ENOX2: variants seen among roughly 807,000 people sequenced by gnomAD.
ENOX2 encodes APK1 antigen.
Under a neutral mutation model 45.0 loss-of-function variants are expected in ENOX2, and 36 were observed. The ratio of observed to expected loss-of-function variants is 0.80; its 90% CI spans 0.61 to 1.06. ENOX2 has a LOEUF of 1.06. Ranked by LOEUF, ENOX2 falls within the 50% of genes least tolerant of loss-of-function variation. The pLI, the probability that ENOX2 is intolerant of heterozygous loss-of-function variation, is 0.00. For synonymous variants in ENOX2, 174 were observed against 152.3 expected (o/e 1.14, Z -1.05); for missense variants, 423 against 462.5 (o/e 0.91, Z 0.78).
intron 2 of ENOX2, among the ~76,000 whole-genome samples, chrX:130,898,220 C>T (rs2079089840): frequency 9.0e-6 from 1 of 111,465 alleles, no homozygotes; most frequent in African/African-American, 3.3e-5. Context: ...GGTGGCCAGC[C>T]TGGTCTCAAA....
intron 4 of ENOX2, among the ~76,000 whole-genome samples, chrX:130,689,438 T>C (rs2037533197): frequency 8.9e-6 from 1 of 112,170 alleles, no homozygotes; most frequent in Admixed American, 9.4e-5. Context: ...ACCTGGGTTT[T>C]AGGTCTACCA....
intron 10 of ENOX2, among the ~76,000 whole-genome samples, chrX:130,654,572 G>A (rs914838421): frequency 1.8e-4 from 20 of 112,174 alleles, no homozygotes; most frequent in East Asian, 1.7e-3. Flanking sequence ...CACAATGAGC[G>A]GGATTTCTGC....
At position 130,836,643 on chromosome X, in the gene ENOX2, G is replaced by GACCC. The variant is rs556457765; in HGVS notation, c.-182-52957_-182-52954dup. Among the ~76,000 whole-genome samples the GACCC allele has an allele frequency of 9.9e-5, 11 of 111,480 alleles. No individual in the cohort carries two copies. In the South Asian group the frequency reaches 3.8e-3, roughly 38 times the overall value. The stretch of plus-strand genomic sequence containing the variant: ...CAGGTGACTAACAGCTGTTATCTCT[G>GACCC]ACCCAGGAAGTAGTGATAAGCTACG... On this transcript the variant is annotated intron_variant, in intron 2 of 14. Transcript: ENST00000394363.
intron 2 of ENOX2, among the ~76,000 whole-genome samples, chrX:130,819,620 A>T (rs1241350662): frequency 8.9e-6 from 1 of 111,862 alleles, no homozygotes; most frequent in Non-Finnish European, 1.9e-5. Context: ...AAACTAACAC[A>T]GGAACAGAAA....
At chrX:130,756,260 T>G (rs1403153526) in intron 3 of ENOX2, among the ~76,000 whole-genome samples, 1 of 111,891 alleles carries the variant, frequency 8.9e-6, no homozygotes, top group Non-Finnish European at 1.9e-5. Flanking sequence ...AGAGCTAGAG[T>G]GCCATATTTT....
At chrX:130,714,193 A>C (rs1198176307) in intron 3 of ENOX2, among the ~76,000 whole-genome samples, 1 of 111,753 alleles carries the variant, frequency 8.9e-6, no homozygotes, top group Non-Finnish European at 1.9e-5. Context: ...AAATCTTTCC[A>C]ATATGTTTCA....
chrX:130,637,126 A>G (rs2035950622), intron 11 of ENOX2, 103 bp downstream of exon 11: 4 of 649,433 alleles, frequency 6.2e-6, no homozygotes, highest in Non-Finnish European at 7.5e-6. Context: ...TACATCAAGA[A>G]GAATAATAGG....
At chrX:130,719,460 GAA>G (rs1218133442) in intron 3 of ENOX2, among the ~76,000 whole-genome samples, 1 of 59,814 alleles carries the variant, frequency 1.7e-5, no homozygotes, top group Admixed American at 1.9e-4. Flanking sequence ...CTGCTGCTAA[GAA>G]AAAAAAAAAA....
intron 2 of ENOX2, among the ~76,000 whole-genome samples, chrX:130,870,880 G>C (rs2078569989): frequency 1.9e-5 from 2 of 106,591 alleles, no homozygotes; most frequent in South Asian, 8.7e-4. Context: ...ACAAGTGAGA[G>C]GGAGGGAGAG....
chrX:130,715,087 T>C (rs1213364433), intron 3 of ENOX2, among the ~76,000 whole-genome samples: 3 of 111,864 alleles, frequency 2.7e-5, no homozygotes, highest in African/African-American at 9.8e-5. Flanking sequence ...CCTTATCATT[T>C]CTCTCTCCTA....
intron 2 of ENOX2, among the ~76,000 whole-genome samples, chrX:130,853,463 C>CAAAA (rs754949787): frequency 0.014 from 363 of 25,352 alleles, no homozygotes; most frequent in Non-Finnish European, 0.02. Flanking sequence ...GACTCCGTCT[C>CAAAA]AAAAAAAAAA....
intron 3 of ENOX2, among the ~76,000 whole-genome samples, chrX:130,707,506 CTACA>C (rs1238561471): frequency 8.8e-5 from 4 of 45,531 alleles, no homozygotes; most frequent in African/African-American, 3.0e-4. Flanking sequence ...ATTTTGAAGA[CTACA>C]CACACACACA....
At chrX:130,733,047 G>A (rs746588199) in intron 3 of ENOX2, among the ~76,000 whole-genome samples, 29 of 111,822 alleles carry the variant, frequency 2.6e-4, no homozygotes, top group Non-Finnish European at 4.9e-4. Context: ...AAAAGTTTCT[G>A]TACAGCAAAG....
intron 2 of ENOX2, among the ~76,000 whole-genome samples, chrX:130,861,918 C>T (rs1352418224): frequency 1.8e-5 from 2 of 111,342 alleles, no homozygotes; most frequent in East Asian, 5.6e-4. Flanking sequence ...TCAAGTTGTA[C>T]ACATGAAATA....
chrX:130,861,335 G>A (rs1414196024), intron 2 of ENOX2, among the ~76,000 whole-genome samples: 1 of 111,507 alleles, frequency 9.0e-6, no homozygotes, highest in Non-Finnish European at 1.9e-5. Context: ...ATTCTTAATA[G>A]CCAAGCAATC....
intron 9 of ENOX2, among the ~76,000 whole-genome samples, chrX:130,663,425 G>A (rs186742665): frequency 9.1e-6 from 1 of 109,622 alleles, no homozygotes; most frequent in Non-Finnish European, 1.9e-5. Flanking sequence ...CAGCTACTTG[G>A]GAGGCTGAGG....
At chrX:130,813,669 G>C (rs1236529426) in intron 2 of ENOX2, among the ~76,000 whole-genome samples, 1 of 111,683 alleles carries the variant, frequency 9.0e-6, no homozygotes, top group Non-Finnish European at 1.9e-5. Context: ...CCCTCCCCTA[G>C]CCAAGGGAAG....
At chrX:130,751,878 A>G (rs1054270054) in intron 3 of ENOX2, among the ~76,000 whole-genome samples, 2 of 111,925 alleles carry the variant, frequency 1.8e-5, no homozygotes, top group African/African-American at 3.2e-5. Flanking sequence ...AGAAATGTCT[A>G]TTTGAGTCCT....
intron 2 of ENOX2, among the ~76,000 whole-genome samples, chrX:130,874,009 G>A (rs891753660): frequency 2.7e-5 from 3 of 110,809 alleles, no homozygotes; most frequent in African/African-American, 6.6e-5. Context: ...AAGCCTGCAC[G>A]TTCTGCACAT....
Sources: allele counts gnomAD v4.1 joint callset (sites outside exome capture counted in the v4.1 genomes callset), GRCh38; gene constraint gnomAD v4.1.1; transcripts MANE v1.5; gene names NCBI Gene and HGNC (gene_info 2026-07-23, HGNC 2026-07-21).